The following DPP6 variants were observed in gnomAD, a reference collection of about 807,000 sequenced individuals.
The protein encoded by DPP6 is dipeptidyl peptidase like 6.
Under a neutral mutation model 122.6 loss-of-function variants are expected in DPP6, and 69 were observed. The observed-to-expected ratio is 0.56, with a 90% CI of 0.46 to 0.69. The LOEUF is 0.69. Ranked by LOEUF, DPP6 falls within the 30% of genes least tolerant of loss-of-function variation. The pLI is 0.00. For synonymous variants in DPP6, 418 were observed against 433.1 expected (o/e 0.97, Z 0.43); for missense variants, 928 against 1,116.9 (o/e 0.83, Z 2.41).
chr7:154,648,423 G>A (rs958753292), intron 6 of DPP6, among the ~76,000 whole-genome samples: 1 of 152,112 alleles, frequency 6.6e-6, no homozygotes, highest in African/African-American at 2.4e-5. Context: ...CCTGCAGAGG[G>A]TTGGACACAA....
intron 1 of DPP6, among the ~76,000 whole-genome samples, chr7:154,247,920 G>C (rs776500098): frequency 3.3e-5 from 5 of 152,128 alleles, no homozygotes; most frequent in Non-Finnish European, 7.4e-5. Flanking sequence ...GTGTTAGTCG[G>C]TTTGGGCTGC....
At chr7:154,345,215 G>A (rs1203582389) in intron 1 of DPP6, among the ~76,000 whole-genome samples, 1 of 152,102 alleles carries the variant, frequency 6.6e-6, no homozygotes, top group Non-Finnish European at 1.5e-5. Context: ...GGGAGAGAGA[G>A]TGGAAAGAGG....
intron 1 of DPP6, among the ~76,000 whole-genome samples, chr7:154,129,685 G>A (rs1563228547): frequency 1.3e-5 from 2 of 152,188 alleles, no homozygotes; most frequent in African/African-American, 4.8e-5. Flanking sequence ...GGATCACGAG[G>A]TCAGGAGATT....
At chr7:153,852,121 A>T in the DPP6 span, among the ~76,000 whole-genome samples, 1 of 152,124 alleles carries the variant, frequency 6.6e-6, no homozygotes, top group Non-Finnish European at 1.5e-5. Context: ...GAATCTTGGT[A>T]ATGCATTCAG....
At chr7:153,956,967 C>G (rs1168957453) in intron 1 of DPP6, among the ~76,000 whole-genome samples, 2 of 152,080 alleles carry the variant, frequency 1.3e-5, no homozygotes, top group African/African-American at 2.4e-5. Flanking sequence ...AATTCCGAAA[C>G]CCAGATATGT....
At chr7:154,308,603 C>G (rs371970964) in intron 1 of DPP6, among the ~76,000 whole-genome samples, 19 of 152,310 alleles carry the variant, frequency 1.2e-4, no homozygotes, top group African/African-American at 4.3e-4. Context: ...CACCTGACCT[C>G]TGCTCCTGCG....
chr7:154,161,045 G>C (rs1796956019), intron 1 of DPP6, among the ~76,000 whole-genome samples: 1 of 152,194 alleles, frequency 6.6e-6, no homozygotes, highest in African/African-American at 2.4e-5. Context: ...TCCCACAAGT[G>C]CAGCTGTCCA....
intron 5 of DPP6, among the ~76,000 whole-genome samples, chr7:154,615,255 G>A (rs747561): frequency 0.41 from 61,616 of 151,902 alleles, 13,423 homozygotes; most frequent in East Asian, 0.64. Context: ...TCTTTGCTCT[G>A]TAGTTCCAGC....
chr7:154,824,604 A>AAAT lies in DPP6; in HGVS notation c.1666+17493_1666+17495dup, dbSNP rs1397575223. Among the ~76,000 whole-genome samples the AAAT allele has an allele frequency of 2.0e-4, 30 of 152,358 alleles. 1 individual carries two copies. The highest frequency in any genetic ancestry group is 6.7e-4 in the African/African-American group (28 of 41,592). On this transcript the variant is annotated intron_variant, in intron 16 of 25. Coordinates refer to ENST00000377770, the MANE Select transcript of DPP6 (RefSeq NM_130797.4). ...AGGAATGTTATCTTAATGCTTAGTA[A>AAAT]AATGAATTAGAAGAGGTGGGAAGTA...
intron 1 of DPP6, among the ~76,000 whole-genome samples, chr7:154,441,033 G>A (rs975634333): frequency 4.6e-5 from 7 of 152,190 alleles, no homozygotes; most frequent in Non-Finnish European, 8.8e-5. Context: ...TACATTACAT[G>A]AAACAAACAC....
chr7:154,619,734 A>G (rs1703568491), intron 5 of DPP6, among the ~76,000 whole-genome samples: 2 of 151,956 alleles, frequency 1.3e-5, no homozygotes, highest in Admixed American at 6.5e-5. Flanking sequence ...TAGATATACA[A>G]CCACATTATA....
chr7:153,811,906 G>C, the DPP6 span, among the ~76,000 whole-genome samples: 1 of 152,040 alleles, frequency 6.6e-6, no homozygotes, highest in East Asian at 1.9e-4. Flanking sequence ...TTGTTATTTT[G>C]AATGAGCGTG....
chr7:154,160,547 A>T (rs1796928812), intron 1 of DPP6, among the ~76,000 whole-genome samples: 2 of 152,162 alleles, frequency 1.3e-5, no homozygotes, highest in African/African-American at 4.8e-5. Context: ...GGTTATCTGG[A>T]GGACACATGG....
the DPP6 span, among the ~76,000 whole-genome samples, chr7:153,802,239 A>G: frequency 6.6e-6 from 1 of 152,172 alleles, no homozygotes; most frequent in South Asian, 2.1e-4. Flanking sequence ...CTGACAAGGG[A>G]ATAACAATCT....
intron 1 of DPP6, among the ~76,000 whole-genome samples, chr7:153,946,044 A>G (rs886871780): frequency 6.6e-6 from 1 of 152,180 alleles, no homozygotes; most frequent in African/African-American, 2.4e-5. Flanking sequence ...AGCCTCGTCC[A>G]TCAGAGGCAC....
intron 12 of DPP6, among the ~76,000 whole-genome samples, chr7:154,798,304 T>C (rs1193980920): frequency 1.3e-5 from 2 of 152,190 alleles, no homozygotes; most frequent in Non-Finnish European, 2.9e-5. Context: ...TCAGCAGGAC[T>C]TTCCTGTATT....
At chr7:154,884,681 ACAAGCACACATGATCACACAG>A (rs1805962729) in intron 21 of DPP6, 1 of 150,724 alleles carries the variant, frequency 6.6e-6, no homozygotes, top group African/African-American at 2.5e-5. Flanking sequence ...ATGCTCACAC[ACAAGCACACATGATCACACAG>A]GCACACATGA....
At position 154,312,516 on chromosome 7, in the gene DPP6, C is replaced by T. The variant is rs540460274; in HGVS notation, c.244-133698C>T. Among the ~76,000 whole-genome samples, 37 of 152,292 alleles carry T rather than the reference C, an allele frequency of 2.4e-4. 1 individual carries two copies. In the South Asian group the frequency reaches 7.7e-3, roughly 32 times the overall value. On this transcript the variant is annotated intron_variant, in intron 1 of 25. Transcript: ENST00000377770. ...CCAGAATTCAAGAAAAACTGCTTTC[C>T]CCAGTGTGGAACTGCACGAGACTCA...
intron 1 of DPP6, among the ~76,000 whole-genome samples, chr7:153,929,927 A>G (rs1243529976): frequency 6.6e-6 from 1 of 152,328 alleles, no homozygotes; most frequent in Non-Finnish European, 1.5e-5. Context: ...GCCACTGAAC[A>G]TTTTTAAAGA....
Sources: allele counts gnomAD v4.1 joint callset (sites outside exome capture counted in the v4.1 genomes callset), GRCh38; gene constraint gnomAD v4.1.1; transcripts MANE v1.5; gene names NCBI Gene and HGNC (gene_info 2026-07-23, HGNC 2026-07-21).